Variants in TNR observed in about 807,000 individuals in gnomAD.
TNR encodes the protein tenascin R.
In TNR, 45 loss-of-function variants were observed where a neutral mutation model predicts 150.4. That is an observed-to-expected ratio of 0.30 (90% confidence interval 0.24 to 0.38). The LOEUF is 0.38. Among genes scored for constraint, TNR ranks in the 10% least tolerant of loss-of-function variants. TNR has a pLI of 1.00. For synonymous variants in TNR, 687 were observed against 678.4 expected, an observed-to-expected ratio of 1.01 and a Z score of -0.20; for missense variants, 1,544 against 1,759.1, an observed-to-expected ratio of 0.88 and a Z score of 2.19.
intron 1 of TNR, among the ~76,000 whole-genome samples, chr1:175,685,420 C>A (rs978718570): frequency 2.0e-5 from 3 of 152,176 alleles, no homozygotes; most frequent in African/African-American, 7.2e-5. Flanking sequence ...AAAGGCCACT[C>A]TCCCAGCAAT....
At chr1:175,742,401 A>C (rs1321534311) in intron 1 of TNR, among the ~76,000 whole-genome samples, 2 of 152,186 alleles carry the variant, frequency 1.3e-5, no homozygotes, top group African/African-American at 4.8e-5. Flanking sequence ...TGCCCCAGAA[A>C]ACAGGGCAGA....
chr1:175,655,449 A>G (rs1665142879), intron 1 of TNR, among the ~76,000 whole-genome samples: 2 of 152,218 alleles, frequency 1.3e-5, no homozygotes, highest in African/African-American at 2.4e-5. Flanking sequence ...GAGGCTGTAT[A>G]CTGTCACTTA....
At chr1:175,667,501 T>C (rs1171043705) in intron 1 of TNR, among the ~76,000 whole-genome samples, 2 of 152,346 alleles carry the variant, frequency 1.3e-5, no homozygotes, top group East Asian at 3.9e-4. Flanking sequence ...AATTATGCCA[T>C]ATGCTGGGGA....
chr1:175,635,617 A>G (rs1436157620), intron 1 of TNR, among the ~76,000 whole-genome samples: 1 of 152,196 alleles, frequency 6.6e-6, no homozygotes, highest in Non-Finnish European at 1.5e-5. Flanking sequence ...TGGAATTGGT[A>G]GTGTGTGCTT....
At chr1:175,455,050 T>A (rs894520149) in intron 2 of TNR, among the ~76,000 whole-genome samples, 2 of 152,220 alleles carry the variant, frequency 1.3e-5, no homozygotes, top group Non-Finnish European at 2.9e-5. Context: ...TCAGGAATGC[T>A]GAGCCGCTAC....
intron 1 of TNR, among the ~76,000 whole-genome samples, chr1:175,642,124 A>G (rs1182671610): frequency 6.6e-6 from 1 of 152,118 alleles, no homozygotes; most frequent in Non-Finnish European, 1.5e-5. Context: ...GCCCAAATGG[A>G]TAAGAAATGA....
intron 1 of TNR, among the ~76,000 whole-genome samples, chr1:175,729,195 T>G (rs928286074): frequency 6.6e-6 from 1 of 152,180 alleles, no homozygotes; most frequent in African/African-American, 2.4e-5. Flanking sequence ...ATTTAAATTT[T>G]TATTAGGTGC....
At chr1:175,388,499 T>C (rs1027527497) in intron 7 of TNR, among the ~76,000 whole-genome samples, 1 of 152,212 alleles carries the variant, frequency 6.6e-6, no homozygotes, top group Non-Finnish European at 1.5e-5. Flanking sequence ...GGGGTTGGTG[T>C]AGGTCAGACC....
chr1:175,588,742 C>T (rs1457618810), intron 1 of TNR, among the ~76,000 whole-genome samples: 1 of 152,108 alleles, frequency 6.6e-6, no homozygotes, highest in Admixed American at 6.5e-5. Context: ...ATAGATAACC[C>T]TCTCTTTTTA....
chr1:175,349,435 G>A (rs1441247664), intron 18 of TNR, among the ~76,000 whole-genome samples: 1 of 152,156 alleles, frequency 6.6e-6, no homozygotes, highest in Non-Finnish European at 1.5e-5. Flanking sequence ...ATAGATGCAT[G>A]ACAACACGGA....
intron 9 of TNR, among the ~76,000 whole-genome samples, chr1:175,369,896 T>C (rs769272173): frequency 5.9e-5 from 9 of 152,330 alleles, no homozygotes; most frequent in Non-Finnish European, 4.4e-5. Flanking sequence ...GTGGAGTCCA[T>C]GCAATAAATG....
chr1:175,717,868 C>T (rs1465678038), intron 1 of TNR, among the ~76,000 whole-genome samples: 3 of 152,148 alleles, frequency 2.0e-5, no homozygotes, highest in Non-Finnish European at 4.4e-5. Flanking sequence ...ACACACACAG[C>T]TAATAAATTG....
chr1:175,450,530 T>A lies in TNR; in HGVS notation c.-63-43753A>T, dbSNP rs78081936. 1.8e-3 allele frequency among the ~76,000 whole-genome samples: 280 copies of A among 152,312 alleles called. 1 individual carries two copies. The highest frequency in any genetic ancestry group is 6.5e-3 in the African/African-American group (271 of 41,572). On this transcript the variant is annotated intron_variant, in intron 2 of 22. Coordinates refer to ENST00000367674, the MANE Select transcript of TNR (RefSeq NM_003285.3). Reference sequence around the variant, plus strand: ...AGTGGCTTGTTAGACAGCTGATAGCTCATAACATGTATCACACCAGAGAGG... The same window carrying A: ...AGTGGCTTGTTAGACAGCTGATAGCACATAACATGTATCACACCAGAGAGG...
chr1:175,658,432 T>C (rs532048981), intron 1 of TNR, among the ~76,000 whole-genome samples: 2 of 152,196 alleles, frequency 1.3e-5, no homozygotes, highest in African/African-American at 4.8e-5. Context: ...TCCTATGTGT[T>C]CCAAGTGGTA....
At chr1:175,324,578 C>T (rs1167203658) in intron 21 of TNR, 59 bp from the exon 22 acceptor site, 1 of 1,582,528 alleles carries the variant, frequency 6.3e-7, no homozygotes. Flanking sequence ...TCAGGATTTT[C>T]TGGACACTTG....
chr1:175,416,388 G>A (rs756417740), intron 2 of TNR, among the ~76,000 whole-genome samples: 8 of 152,068 alleles, frequency 5.3e-5, no homozygotes, highest in Non-Finnish European at 7.4e-5. Flanking sequence ...CTCTATCCTT[G>A]GGAAGTAGGT....
At position 175,632,284 on chromosome 1, in the gene TNR, T is replaced by C. The variant is rs535358419; in HGVS notation, c.-164-103915A>G. Among the ~76,000 whole-genome samples the C allele has an allele frequency of 1.9e-3, 284 of 152,320 alleles. 1 individual carries two copies. Among genetic ancestry groups the C allele is most frequent in the Non-Finnish European group, 3.6e-3 (243 of 68,030 alleles). On this transcript the variant is annotated intron_variant, in intron 1 of 22. Coordinates refer to ENST00000367674, the MANE Select transcript of TNR (RefSeq NM_003285.3). ...TTAGAGATGGTGTGAAGAGAACCAG[T>C]TTCTCTCTGTTCCCAAGGCTCCCCC...
At position 175,315,476 on chromosome 1, in the gene TNR, T is replaced by C. The variant is rs1166636675; in HGVS notation, c.*7881A>G. On this transcript the variant is annotated 3_prime_UTR_variant, in exon 23 of 23. Coordinates refer to ENST00000367674, the MANE Select transcript of TNR (RefSeq NM_003285.3). Reference sequence around the variant, plus strand: ...TCTTCCTTCCAGTCTTTCTTTTAAGTAAGCGCTTTTTCAAGCTCATTGTAG... The same window carrying C: ...TCTTCCTTCCAGTCTTTCTTTTAAGCAAGCGCTTTTTCAAGCTCATTGTAG... The C allele has an allele frequency of 2.6e-5, 4 of 152,158 alleles. No individual in the cohort carries two copies. The highest frequency in any genetic ancestry group is 1.5e-5 in the Non-Finnish European group (1 of 68,036). 9.4% of individuals were successfully genotyped at this position (152,158 alleles called of 1,614,324 possible).
chr1:175,434,460 C>G (rs891047195), intron 2 of TNR, among the ~76,000 whole-genome samples: 2 of 152,134 alleles, frequency 1.3e-5, no homozygotes, highest in Non-Finnish European at 2.9e-5. Context: ...GCTGGCACCC[C>G]CTACTGGCCT....
Sources: allele counts gnomAD v4.1 joint callset (sites outside exome capture counted in the v4.1 genomes callset), GRCh38; gene constraint gnomAD v4.1.1; transcripts MANE v1.5; gene names NCBI Gene and HGNC (gene_info 2026-07-23, HGNC 2026-07-21).